AKT3: variants seen among roughly 807,000 people sequenced by gnomAD.
The protein encoded by AKT3 is RAC-gamma serine/threonine-protein kinase.
AKT3 carries 15 observed loss-of-function variants against 65.3 expected under a neutral mutation model. That is an observed-to-expected ratio of 0.23 (90% CI 0.15 to 0.35). The LOEUF (loss-of-function observed/expected upper bound fraction) is 0.35, where lower values mean the gene tolerates loss of function less well. Among genes scored for constraint, AKT3 ranks in the 10% least tolerant of loss-of-function variants. The pLI, the probability that AKT3 is intolerant of heterozygous loss-of-function variation, is 1.00. For missense variants in AKT3, 243 were observed against 576.5 expected, an observed-to-expected ratio of 0.42 and a Z score of 5.92; for synonymous variants, 206 against 183.8, an observed-to-expected ratio of 1.12 and a Z score of -0.98.
chr1:243,755,155 G>A (rs766692777), intron 2 of AKT3, among the ~76,000 whole-genome samples: 40 of 152,016 alleles, frequency 2.6e-4, no homozygotes, highest in Non-Finnish European at 4.6e-4. Flanking sequence ...TGCCACCTCC[G>A]CCTCCTGGGT....
intron 2 of AKT3, among the ~76,000 whole-genome samples, chr1:243,746,897 TG>T (rs972075449): frequency 4.8e-5 from 7 of 144,988 alleles, no homozygotes; most frequent in African/African-American, 1.8e-4. Flanking sequence ...AACATGAACA[TG>T]GGGGGTGGGG....
chr1:243,545,583 G>C lies in AKT3; in HGVS notation c.1178C>G (p.Pro393Arg). 6.2e-7 allele frequency: 1 copy of C among 1,611,508 alleles called. No homozygotes were observed. The highest frequency in any genetic ancestry group is 1.7e-5 in the Admixed American group (1 of 59,994). The stretch of plus-strand genomic sequence containing the variant: ...TCTCATAATTTCTTTTGCATCATCT[G>C]GTCCTCCACCAAGGCTATGAGAACA... The part of the protein sequence containing the change: ...KDPNKRLGGG[P>R]DDAKEIMRHS... Residue 393 changes from proline to arginine, a missense_variant, in exon 12 of 14, where the codon CCA (proline) becomes CGA (arginine). Coordinates refer to ENST00000673466, the MANE Select transcript of AKT3 (RefSeq NM_005465.7).
Position 243,693,242 on chromosome 1 carries a change from TGATATATATATATATATATATATATATA to T in AKT3, c.172+2321_172+2348del, listed in dbSNP as rs1455012369. Reference sequence around the variant, plus strand: ...ATATATCCCTTTGGTAGCTACAATTTGATATATATATATATATATATATATATATATATATATATATATATATATATAA... The same window carrying T: ...ATATATCCCTTTGGTAGCTACAATTTTATATATATATATATATATATATAA... On this transcript the variant is annotated intron_variant, in intron 3 of 13. Coordinates refer to ENST00000673466, the MANE Select transcript of AKT3 (RefSeq NM_005465.7). 2.7e-3 allele frequency among the ~76,000 whole-genome samples: 162 copies of T among 59,984 alleles called. 10 individuals are homozygous for T. Among genetic ancestry groups the T allele is most frequent in the African/African-American group, 7.3e-3 (125 of 17,174 alleles). 39.4% of individuals were successfully genotyped at this position (59,984 alleles called of 152,430 possible).
Position 243,573,182 on chromosome 1 carries a change from T to G in AKT3, c.697-134A>C, listed in dbSNP as rs993093556. Reference sequence around the variant, plus strand: ...TACTCTCAGTGGACACTGAGCACTCTTAGACAGCAGCTGGCTTATCTTTTC... The same window carrying G: ...TACTCTCAGTGGACACTGAGCACTCGTAGACAGCAGCTGGCTTATCTTTTC... On this transcript the variant is annotated intron_variant, in intron 8 of 13. Coordinates refer to ENST00000673466, the MANE Select transcript of AKT3 (RefSeq NM_005465.7). The G allele has an allele frequency of 2.4e-5, 24 of 1,004,404 alleles. No homozygotes were observed. The African/African-American group carries it at 3.4e-4, about 14-fold the overall frequency. 62.2% of individuals were successfully genotyped at this position (1,004,404 alleles called of 1,614,324 possible).
chr1:243,801,206 G>T (rs745385635), intron 2 of AKT3, among the ~76,000 whole-genome samples: 26 of 151,942 alleles, frequency 1.7e-4, no homozygotes, highest in Non-Finnish European at 3.1e-4. Context: ...CCCATAATGA[G>T]TATTAAATAA....
chr1:243,758,228 A>C (rs930787775), intron 2 of AKT3, among the ~76,000 whole-genome samples: 2 of 152,326 alleles, frequency 1.3e-5, no homozygotes, highest in Non-Finnish European at 2.9e-5. Context: ...GGGAGAAAAA[A>C]GGTTATATAG....
chr1:243,501,988 A>T lies in AKT3; in HGVS notation c.*3261T>A. On this transcript the variant is annotated 3_prime_UTR_variant, in exon 14 of 14. Transcript: ENST00000673466. ...TGGGTTTATAGTTGCATCTGCTTAA[A>T]ATCCTTAACCAGATGACTAGATCTT... 1 of 232,816 alleles carries T rather than the reference A, an allele frequency of 4.3e-6. No homozygotes were observed. Among genetic ancestry groups the T allele is most frequent in the Non-Finnish European group, 8.5e-6 (1 of 117,816 alleles). The allele number at this position is 232,816 out of a possible 1,614,324, so 14.4% of individuals were successfully genotyped here.
At chr1:243,492,772 T>TG (rs1202144893) in intron 13 of AKT3, among the ~76,000 whole-genome samples, 2 of 151,698 alleles carry the variant, frequency 1.3e-5, no homozygotes, top group Non-Finnish European at 2.9e-5. Context: ...CACGCCTGGC[T>TG]AATTTTGTAT....
At chr1:243,756,174 C>T (rs1689125012) in intron 2 of AKT3, among the ~76,000 whole-genome samples, 2 of 152,134 alleles carry the variant, frequency 1.3e-5, no homozygotes, top group South Asian at 4.1e-4. Flanking sequence ...ATGCAGAAAT[C>T]GTAAGAATAA....
At chr1:243,660,353 T>G (rs1041505557) in intron 4 of AKT3, among the ~76,000 whole-genome samples, 7 of 152,210 alleles carry the variant, frequency 4.6e-5, no homozygotes, top group Non-Finnish European at 1.0e-4. Context: ...ATCAAAAAGC[T>G]TATCCACCAT....
Position 243,721,577 on chromosome 1 carries a change from C to T in AKT3, c.47-25861G>A, listed in dbSNP as rs552502818. ...TGTTATAGGAGTGTTGGCCATAACC[C>T]TTATGATGGGGAGGAAAGGGATCAT... is the stretch of plus-strand genomic sequence containing the variant. On this transcript the variant is annotated intron_variant, in intron 2 of 13. Coordinates refer to ENST00000673466, the MANE Select transcript of AKT3 (RefSeq NM_005465.7). Among the ~76,000 whole-genome samples, 9 of 152,110 alleles carry T rather than the reference C, an allele frequency of 5.9e-5. No homozygotes were observed. In the South Asian group the frequency reaches 1.0e-3, roughly 18 times the overall value.
intron 8 of AKT3, among the ~76,000 whole-genome samples, chr1:243,579,533 A>G (rs373875043): frequency 4.6e-5 from 7 of 152,180 alleles, no homozygotes; most frequent in African/African-American, 1.7e-4. Context: ...TTACTTTTCA[A>G]AGGTAAGTTG....
intron 13 of AKT3, among the ~76,000 whole-genome samples, 196 bp downstream of exon 13, chr1:243,512,120 TTCTTGCAG>T (rs780227673): frequency 1.6e-4 from 25 of 152,206 alleles, no homozygotes; most frequent in Admixed American, 3.3e-4. Flanking sequence ...AGAAAAGCAT[TTCTTGCAG>T]TCTTTTGATA....
Position 243,489,148 on chromosome 1 carries a change from G to A in AKT3, c.*7-698C>T, listed in dbSNP as rs2148267459. On this transcript the variant is annotated intron_variant, in intron 13 of 13. Transcript: ENST00000336199. ...GACCGGCTGCGGACCCAGGTACTGT[G>A]CAGAACGCGGCGCAGGTGGGAGTCC... 2.5e-6 allele frequency: 4 copies of A among 1,611,474 alleles called. No individual in the cohort carries two copies. Among genetic ancestry groups the A allele is most frequent in the Non-Finnish European group, 3.4e-6 (4 of 1,179,582 alleles).
chr1:243,801,859 T>A (rs1692400761), intron 2 of AKT3, among the ~76,000 whole-genome samples: 1 of 152,220 alleles, frequency 6.6e-6, no homozygotes. Context: ...GCAATTTTTA[T>A]ATGGATGCTA....
At chr1:243,697,848 A>G (rs1685156634) in intron 2 of AKT3, among the ~76,000 whole-genome samples, 1 of 152,092 alleles carries the variant, frequency 6.6e-6, no homozygotes, top group African/African-American at 2.4e-5. Flanking sequence ...ATAATACTCT[A>G]CATGCCCAAG....
chr1:243,583,168 G>GTATATATATA (rs1425079716), intron 8 of AKT3, among the ~76,000 whole-genome samples: 47 of 113,172 alleles, frequency 4.2e-4, no homozygotes, highest in African/African-American at 1.5e-3. Context: ...GTATATGTGT[G>GTATATATATA]TGTATATATA....
At chr1:243,670,705 C>T (rs113412081) in intron 3 of AKT3, among the ~76,000 whole-genome samples, 3 of 152,292 alleles carry the variant, frequency 2.0e-5, no homozygotes, top group African/African-American at 4.8e-5. Flanking sequence ...CTTATTATAA[C>T]ATCTACTTCT....
chr1:243,555,620 A>T (rs1673356733), intron 10 of AKT3, among the ~76,000 whole-genome samples: 1 of 152,050 alleles, frequency 6.6e-6, no homozygotes, highest in South Asian at 2.1e-4. Context: ...ACCTCTGATC[A>T]TTTTTTTCTA....
Sources: allele counts gnomAD v4.1 joint callset (sites outside exome capture counted in the v4.1 genomes callset), GRCh38; gene constraint gnomAD v4.1.1; transcripts MANE v1.5; gene names NCBI Gene and HGNC (gene_info 2026-07-23, HGNC 2026-07-21).